SPRED1: variants seen among roughly 807,000 people sequenced by gnomAD.
The protein encoded by SPRED1 is sprouty related EVH1 domain containing 1, also known as sprouty-related, EVH1 domain-containing protein 1.
A neutral mutation model predicts 52.3 loss-of-function variants in SPRED1; 18 were observed. The ratio of observed to expected loss-of-function variants is 0.34; its 90% CI spans 0.24 to 0.51. SPRED1 has a LOEUF of 0.51. Ranked by LOEUF, SPRED1 falls within the 20% of genes least tolerant of loss-of-function variation. The pLI, the probability that SPRED1 is intolerant of heterozygous loss-of-function variation, is 0.97. For synonymous variants in SPRED1, 155 were observed against 179.7 expected (o/e 0.86, Z 1.10); for missense variants, 485 against 551.0 (o/e 0.88, Z 1.20).
At chr15:38,338,473 G>C (rs887290034) in intron 4 of SPRED1, among the ~76,000 whole-genome samples, 5 of 151,896 alleles carry the variant, frequency 3.3e-5, no homozygotes, top group Non-Finnish European at 5.9e-5. Flanking sequence ...TCAATGTTTA[G>C]CCAACATTTT....
intron 2 of SPRED1, 65 bp from the exon 3 acceptor site, chr15:38,322,176 T>C: frequency 6.7e-7 from 1 of 1,491,086 alleles, no homozygotes; most frequent in Non-Finnish European, 9.3e-7. Flanking sequence ...TCAGTTTGTA[T>C]TTATGAGCTA....
At chr15:38,348,757 T>G (rs1276948239) in intron 5 of SPRED1, among the ~76,000 whole-genome samples, 2 of 152,256 alleles carry the variant, frequency 1.3e-5, no homozygotes, top group East Asian at 3.9e-4. Context: ...TCTCCTTTTA[T>G]GTATATTAGA....
chr15:38,298,639 G>C (rs1342017534), intron 1 of SPRED1: 3 of 233,002 alleles, frequency 1.3e-5, no homozygotes, highest in Non-Finnish European at 2.6e-5. Context: ...TCTGTGTTCG[G>C]CATAAGGATT....
chr15:38,270,659 G>T (rs1894412592), intron 1 of SPRED1, among the ~76,000 whole-genome samples: 1 of 152,102 alleles, frequency 6.6e-6, no homozygotes, highest in African/African-American at 2.4e-5. Context: ...AACAGCGAGG[G>T]GGTAGTCTGC....
chr15:38,282,678 A>G (rs961139833), intron 1 of SPRED1, among the ~76,000 whole-genome samples: 2 of 152,078 alleles, frequency 1.3e-5, no homozygotes, highest in Non-Finnish European at 1.5e-5. Flanking sequence ...ATTCTTATCT[A>G]TGCCCATTTC....
chr15:38,345,000 T>C (rs899573309), intron 5 of SPRED1, among the ~76,000 whole-genome samples: 7 of 152,172 alleles, frequency 4.6e-5, no homozygotes, highest in African/African-American at 7.2e-5. Flanking sequence ...TAAAGAAATA[T>C]TGTAGAAGTT....
At chr15:38,275,684 G>A (rs536808937) in intron 1 of SPRED1, among the ~76,000 whole-genome samples, 1 of 152,104 alleles carries the variant, frequency 6.6e-6, no homozygotes, top group Non-Finnish European at 1.5e-5. Flanking sequence ...TTTCAGTAGC[G>A]ACGGGGTTTC....
rs535692003 is a variant in SPRED1 at position 38,261,827 on chromosome 15, C to G, written c.32+8610C>G. Among the ~76,000 whole-genome samples the G allele has an allele frequency of 3.7e-3, 559 of 152,284 alleles. 6 individuals carry two copies. Among genetic ancestry groups the G allele is most frequent in the South Asian group, 0.011 (53 of 4,824 alleles). ...TTCATGTAGTTAGGAATTACATTCA[C>G]AAATACAGTGTTTTTTAATGACTTC... is the stretch of plus-strand genomic sequence containing the variant. On this transcript the variant is annotated intron_variant, in intron 1 of 6. Transcript: ENST00000299084.
chr15:38,351,702 T>A lies in SPRED1; in HGVS notation c.*38T>A. On this transcript the variant is annotated 3_prime_UTR_variant, in exon 7 of 7. Transcript: ENST00000299084. ...CCAAAATGAGCTTAAAATCTTTGTT[T>A]CCAGGAATTAGCTAACTTGGATTTG... 1.2e-6 allele frequency: 2 copies of A among 1,603,860 alleles called. No homozygotes were observed. The highest frequency in any genetic ancestry group is 1.7e-6 in the Non-Finnish European group (2 of 1,179,256).
intron 4 of SPRED1, 68 bp from the exon 5 acceptor site, chr15:38,339,669 G>A (rs1005788400): frequency 3.3e-6 from 5 of 1,510,678 alleles, no homozygotes; most frequent in Non-Finnish European, 4.6e-6. Context: ...TAGAGTGAAA[G>A]TATCTTATTT....
At chr15:38,291,085 A>T (rs1231964558) in intron 1 of SPRED1, among the ~76,000 whole-genome samples, 2 of 152,172 alleles carry the variant, frequency 1.3e-5, no homozygotes, top group Admixed American at 6.5e-5. Context: ...TACAATGGAG[A>T]TACAGGTATT....
At chr15:38,263,654 A>ATATCCTTTGTG (rs1894247303) in intron 1 of SPRED1, among the ~76,000 whole-genome samples, 1 of 152,172 alleles carries the variant, frequency 6.6e-6, no homozygotes, top group Non-Finnish European at 1.5e-5. Flanking sequence ...TATAACCGTT[A>ATATCCTTTGTG]GGATGTCATT....
rs537609355 is a variant in SPRED1, at chr15:38,253,711, C to T, written c.32+494C>T. Among the ~76,000 whole-genome samples the T allele has an allele frequency of 5.3e-5, 8 of 152,122 alleles. No individual in the cohort carries two copies. In the East Asian group the frequency reaches 1.5e-3, roughly 29 times the overall value. On this transcript the variant is annotated intron_variant, in intron 1 of 6. Transcript: ENST00000299084. ...CGATTAAGCCTTCACCCTCTCCCCC[C>T]TCCCCCTTTTAAACTTATGACCTGT...
intron 1 of SPRED1, among the ~76,000 whole-genome samples, chr15:38,253,552 T>G (rs549353555): frequency 1.3e-5 from 2 of 152,258 alleles, no homozygotes; most frequent in African/African-American, 4.8e-5. Flanking sequence ...TTCACTCACA[T>G]ACCAGTCACC....
At position 38,299,359 on chromosome 15, in the gene SPRED1, T is replaced by C. The variant is rs1566859694; in HGVS notation, c.33-14T>C. ...TATGGAAAAGCTAATTCCTGATCTT[T>C]GCATCTATTTTAGTAATAGTTATGC... On this transcript the variant is annotated splice_polypyrimidine_tract_variant and intron_variant, in intron 1 of 6. Coordinates refer to ENST00000299084, the MANE Select transcript of SPRED1 (RefSeq NM_152594.3). The C allele has an allele frequency of 8.7e-6, 14 of 1,613,762 alleles. No homozygotes were observed. Among genetic ancestry groups the C allele is most frequent in the Non-Finnish European group, 1.2e-5 (14 of 1,179,746 alleles).
At chr15:38,272,891 T>C (rs1282853970) in intron 1 of SPRED1, among the ~76,000 whole-genome samples, 1 of 152,210 alleles carries the variant, frequency 6.6e-6, no homozygotes, top group Admixed American at 6.5e-5. Context: ...TTATTTGTTT[T>C]TTGCTTGTTC....
chr15:38,345,699 G>A (rs1005514345), intron 5 of SPRED1, among the ~76,000 whole-genome samples: 2 of 152,092 alleles, frequency 1.3e-5, no homozygotes, highest in African/African-American at 4.8e-5. Context: ...TCCCAGCATT[G>A]GAACCCTGAA....
At chr15:38,313,818 T>A (rs1257702303) in intron 2 of SPRED1, among the ~76,000 whole-genome samples, 2 of 151,810 alleles carry the variant, frequency 1.3e-5, no homozygotes, top group Non-Finnish European at 3.0e-5. Flanking sequence ...TATTTTCAGA[T>A]TTTGATTTTC....
At position 38,356,516 on chromosome 15, in the gene SPRED1, G is replaced by A. The variant is rs1169735676; in HGVS notation, c.*4852G>A. The A allele has an allele frequency of 6.6e-6, 1 of 152,004 alleles. No individual in the cohort carries two copies. Among genetic ancestry groups the A allele is most frequent in the Middle Eastern group, 3.2e-3 (1 of 314 alleles). 9.4% of individuals were successfully genotyped at this position (152,004 alleles called of 1,614,324 possible). A position where few individuals can be genotyped will look rare whatever the true frequency, so the allele number is the denominator to read the frequency against. On this transcript the variant is annotated 3_prime_UTR_variant, in exon 7 of 7. Coordinates refer to ENST00000299084, the MANE Select transcript of SPRED1 (RefSeq NM_152594.3). Reference sequence around the variant, plus strand: ...ATTATCACATAAGAGATAATTACTGGAGGAGAAAGTAAAAATGGAAGCTTT... The same window carrying A: ...ATTATCACATAAGAGATAATTACTGAAGGAGAAAGTAAAAATGGAAGCTTT...
Sources: gnomAD v4.1 joint callset for allele counts (sites outside exome capture counted in the v4.1 genomes callset) on GRCh38, gnomAD v4.1.1 for gene constraint, MANE v1.5 for transcripts, NCBI Gene and HGNC (gene_info 2026-07-23, HGNC 2026-07-21) for gene names.